Variants in CELF4 observed in about 807,000 individuals in gnomAD.
CELF4 encodes CUG-BP- and ETR-3-like factor 4.
Under a neutral mutation model 59.9 loss-of-function variants are expected in CELF4, and 18 were observed. The observed-to-expected ratio is 0.30, with a 90% CI of 0.21 to 0.45. The LOEUF (loss-of-function observed/expected upper bound fraction) is 0.45, where lower values mean the gene tolerates loss of function less well. Among genes scored for constraint, CELF4 ranks in the 20% least tolerant of loss-of-function variants. The probability of loss-of-function intolerance (pLI) is 1.00; values close to 1 mark genes in which losing one functional copy is unlikely to be tolerated. For synonymous variants in CELF4, 261 were observed against 267.1 expected, an observed-to-expected ratio of 0.98 and a Z score of 0.22; for missense variants, 456 against 689.0, an observed-to-expected ratio of 0.66 and a Z score of 3.79.
intron 2 of CELF4, among the ~76,000 whole-genome samples, chr18:37,344,626 G>A (rs964885020): frequency 6.6e-6 from 1 of 152,256 alleles, no homozygotes; most frequent in South Asian, 2.1e-4. Context: ...GGAGTTAAAA[G>A]GAGCCAGAGT....
chr18:37,326,375 C>T (rs190349953), intron 2 of CELF4, among the ~76,000 whole-genome samples: 1 of 152,170 alleles, frequency 6.6e-6, no homozygotes, highest in East Asian at 1.9e-4. Context: ...GCTTTTCCTG[C>T]CCCCGTCTCT....
chr18:37,439,324 A>G (rs1001652281), intron 2 of CELF4, among the ~76,000 whole-genome samples: 4 of 152,142 alleles, frequency 2.6e-5, no homozygotes, highest in Non-Finnish European at 5.9e-5. Context: ...TGTCCATGAA[A>G]GTGGGGTTTA....
intron 2 of CELF4, among the ~76,000 whole-genome samples, chr18:37,464,144 G>GGTGCATAATTAGTTTC (rs1307411301): frequency 9.9e-5 from 15 of 152,190 alleles, no homozygotes; most frequent in African/African-American, 3.6e-4. Flanking sequence ...CTAAATTAGC[G>GGTGCATAATTAGTTTC]GTGCATAATT....
intron 1 of CELF4, among the ~76,000 whole-genome samples, chr18:37,545,715 G>A (rs1383514425): frequency 3.3e-5 from 5 of 151,152 alleles, no homozygotes; most frequent in South Asian, 2.1e-4. Flanking sequence ...TGGCTGCCCC[G>A]TCTCTCTCTC....
At chr18:37,323,637 C>G (rs2097199809) in intron 2 of CELF4, among the ~76,000 whole-genome samples, 1 of 152,066 alleles carries the variant, frequency 6.6e-6, no homozygotes, top group South Asian at 2.1e-4. Flanking sequence ...CCCCGCCCTC[C>G]TAGCCTTCCC....
chr18:37,325,095 T>C (rs2097258715), intron 2 of CELF4, among the ~76,000 whole-genome samples: 1 of 152,084 alleles, frequency 6.6e-6, no homozygotes, highest in Admixed American at 6.5e-5. Flanking sequence ...GAGGAAGGCC[T>C]GGCTGAGAAG....
intron 2 of CELF4, among the ~76,000 whole-genome samples, chr18:37,349,852 C>G (rs1359797662): frequency 6.6e-6 from 1 of 152,150 alleles, no homozygotes; most frequent in African/African-American, 2.4e-5. Context: ...GACAGAGGAC[C>G]TGTGGTAAGT....
intron 1 of CELF4, among the ~76,000 whole-genome samples, chr18:37,496,732 T>TC (rs1325393210): frequency 4.6e-5 from 7 of 152,186 alleles, no homozygotes; most frequent in Non-Finnish European, 8.8e-5. Flanking sequence ...AGGGTGTCTT[T>TC]CTCTCATGAT....
At chr18:37,331,827 C>T (rs940960056) in intron 2 of CELF4, among the ~76,000 whole-genome samples, 7 of 151,654 alleles carry the variant, frequency 4.6e-5, no homozygotes, top group African/African-American at 1.7e-4. Context: ...AAAGGGTGTG[C>T]GGCAAGTCGC....
At chr18:37,541,612 C>T (rs1486913042) in intron 1 of CELF4, among the ~76,000 whole-genome samples, 1 of 152,060 alleles carries the variant, frequency 6.6e-6, no homozygotes, top group Non-Finnish European at 1.5e-5. Flanking sequence ...ATTCAGACAC[C>T]CCTGCCAGGC....
chr18:37,357,402 G>A (rs2098610033), intron 2 of CELF4, among the ~76,000 whole-genome samples: 1 of 152,248 alleles, frequency 6.6e-6, no homozygotes, highest in Admixed American at 6.5e-5. Flanking sequence ...GTACACAGAA[G>A]TCAAGAATTG....
In CELF4 at chr18:37,253,631, G is replaced by A; in HGVS notation, c.*44+136C>T. On this transcript the variant is annotated intron_variant, in intron 12 of 12. Coordinates refer to ENST00000420428, the MANE Select transcript of CELF4 (RefSeq NM_020180.4). The surrounding 1 kb of genome is among the most constrained non-coding windows in gnomAD (Gnocchi z 4.5). ...CTCTGCGCCTGGCCCGAGGAGCAGG[G>A]CGAGGAGCAGGTTGAGCCGGGCGCA... 1 of 600,926 alleles carries A rather than the reference G, an allele frequency of 1.7e-6. No individual in the cohort carries two copies. The highest frequency in any genetic ancestry group is 2.7e-6 in the Non-Finnish European group (1 of 374,612). 37.2% of individuals were successfully genotyped at this position (600,926 alleles called of 1,614,324 possible).
At chr18:37,565,284 C>T in intron 1 of CELF4, 72 bp downstream of exon 1, 2 of 1,449,310 alleles carry the variant, frequency 1.4e-6, no homozygotes, top group Non-Finnish European at 1.8e-6. Flanking sequence ...GCTCGTCAGT[C>T]GCCGGCCGGC....
At chr18:37,456,539 C>T (rs1331000584) in intron 2 of CELF4, among the ~76,000 whole-genome samples, 2 of 152,184 alleles carry the variant, frequency 1.3e-5, no homozygotes, top group African/African-American at 4.8e-5. Flanking sequence ...CACTCAGATC[C>T]ATGATGAACA....
At chr18:37,558,917 G>A (rs1045999483) in intron 1 of CELF4, among the ~76,000 whole-genome samples, 6 of 151,826 alleles carry the variant, frequency 4.0e-5, no homozygotes, top group African/African-American at 1.2e-4. Flanking sequence ...AATTAGCTGC[G>A]GCTGGCCACT....
At chr18:37,279,148 G>A (rs973258731) in intron 3 of CELF4, among the ~76,000 whole-genome samples, 36 of 152,318 alleles carry the variant, frequency 2.4e-4, no homozygotes, top group African/African-American at 8.4e-4. Context: ...TGGTCCCCAT[G>A]TTCTGGTGAG....
At chr18:37,307,894 C>T (rs189781706) in intron 3 of CELF4, among the ~76,000 whole-genome samples, 5 of 152,246 alleles carry the variant, frequency 3.3e-5, no homozygotes, top group Admixed American at 3.3e-4. Context: ...TGGGGTGTAC[C>T]GTGACGAAAG....
At position 37,368,138 on chromosome 18, in the gene CELF4, T is replaced by C. The variant is rs138220091; in HGVS notation, c.370-46257A>G. ...GAGACCTGGGCATGGTGACACTATA[T>C]ATGTCCCAGGATACAGGCATTCATT... is the stretch of plus-strand genomic sequence containing the variant. On this transcript the variant is annotated intron_variant, in intron 2 of 12. Transcript: ENST00000420428. 2.6e-4 allele frequency among the ~76,000 whole-genome samples: 40 copies of C among 152,230 alleles called. No homozygotes were observed. In the East Asian group the frequency reaches 7.5e-3, roughly 29 times the overall value.
At chr18:37,352,651 C>A (rs1443590560) in intron 2 of CELF4, among the ~76,000 whole-genome samples, 1 of 152,002 alleles carries the variant, frequency 6.6e-6, no homozygotes, top group Non-Finnish European at 1.5e-5. Flanking sequence ...GGATTCCAGG[C>A]AGCCTGGCCC....
Sources: allele counts gnomAD v4.1 joint callset (sites outside exome capture counted in the v4.1 genomes callset), GRCh38; gene constraint gnomAD v4.1.1; non-coding constraint Gnocchi (gnomAD v3.1); transcripts MANE v1.5; gene names NCBI Gene and HGNC (gene_info 2026-07-23, HGNC 2026-07-21).